TTLL5: variants seen among roughly 807,000 people sequenced by gnomAD.
The protein encoded by TTLL5 is tubulin polyglutamylase TTLL5.
Under a neutral mutation model 168.4 loss-of-function variants are expected in TTLL5, and 132 were observed. That is an observed-to-expected ratio of 0.78 (90% CI 0.68 to 0.91). TTLL5 has a LOEUF of 0.91. Ranked by LOEUF, TTLL5 falls within the 40% of genes least tolerant of loss-of-function variation. TTLL5 has a pLI of 0.00. For synonymous variants in TTLL5, 546 were observed against 558.6 expected (o/e 0.98, Z 0.32); for missense variants, 1,545 against 1,581.5 (o/e 0.98, Z 0.39).
At chr14:75,795,079 T>C (rs561405026) in intron 27 of TTLL5, among the ~76,000 whole-genome samples, 1 of 152,248 alleles carries the variant, frequency 6.6e-6, no homozygotes, top group South Asian at 2.1e-4. Flanking sequence ...CTTGGACAGT[T>C]CATTCTACTC....
At chr14:75,733,236 G>A (rs953203141) in intron 13 of TTLL5, among the ~76,000 whole-genome samples, 2 of 152,174 alleles carry the variant, frequency 1.3e-5, no homozygotes, top group African/African-American at 4.8e-5. Context: ...TTTGCAGGTT[G>A]CCCAGTAAAG....
Position 75,902,180 on chromosome 14 carries a change from G to A in TTLL5, c.3779G>A (p.Ser1260Asn), listed in dbSNP as rs780814207. ...GAAGGGCAGCTGAATGGACTCCAGA[G>A]CAGCCTTAACCCTGCAGCCTTTGTG... ...SAEGQLNGLQ[S>N]SLNPAAFVPI... is the part of the protein sequence containing the mutation. The change falls in exon 31 of 32, where the codon AGC becomes AAC. Residue 1260 changes from serine (S) to asparagine (N), a missense_variant. Transcript: ENST00000298832. The A allele has an allele frequency of 2.4e-5, 39 of 1,614,040 alleles. No individual in the cohort carries two copies. The Middle Eastern group carries it at 8.2e-4, about 34-fold the overall frequency.
intron 13 of TTLL5, 134 bp from the exon 14 acceptor site, chr14:75,733,855 G>C (rs568359255): frequency 2.6e-4 from 144 of 555,900 alleles, no homozygotes; most frequent in East Asian, 5.0e-4. Context: ...CACCGCCCCC[G>C]TGGATTTTAT....
rs147186140 is a variant in TTLL5, at chr14:75,782,507, G to A, written c.2536G>A (p.Glu846Lys). Residue 846 changes from glutamate to lysine, a missense_variant, in exon 25 of 32, where the codon GAA becomes AAA. By Grantham distance (56) the Glu-to-Lys change is moderately conservative (BLOSUM62 1). Coordinates refer to ENST00000298832, the MANE Select transcript of TTLL5 (RefSeq NM_015072.5). ...AKGDHPETIM[E>K]EVKIKPPKQQ... ...TTCAGATCACCCTGAGACTATAATG[G>A]AAGAAGTGAAAATAAAGCCACCTAA... 468 of 1,613,738 alleles carry A rather than the reference G, an allele frequency of 2.9e-4. 4 individuals carry two copies. The East Asian group carries it at 7.5e-3, about 26-fold the overall frequency.
intron 7 of TTLL5, among the ~76,000 whole-genome samples, chr14:75,699,563 A>G (rs1566819084): frequency 6.6e-6 from 1 of 152,158 alleles, no homozygotes; most frequent in Non-Finnish European, 1.5e-5. Flanking sequence ...GCATATTGTG[A>G]TGTTAATTCC....
In TTLL5 at chr14:75,857,444, T is replaced by C. The variant is rs186845184; in HGVS notation, c.3327-6223T>C. ...TTTATTAGCTAATATTGTGTTAAAG[T>C]TTTTTTATGTATCTGTGTTCATCAG... On this transcript the variant is annotated intron_variant, in intron 28 of 31. Coordinates refer to ENST00000298832, the MANE Select transcript of TTLL5 (RefSeq NM_015072.5). Among the ~76,000 whole-genome samples the C allele has an allele frequency of 1.5e-3, 229 of 152,136 alleles. 2 individuals carry two copies. Among genetic ancestry groups the C allele is most frequent in the Non-Finnish European group, 2.4e-3 (165 of 68,010 alleles).
intron 27 of TTLL5, among the ~76,000 whole-genome samples, chr14:75,801,663 C>T (rs976350193): frequency 2.0e-5 from 3 of 152,120 alleles, no homozygotes; most frequent in African/African-American, 7.2e-5. Flanking sequence ...AACCCTTTCC[C>T]TTCAGAGAAA....
chr14:75,834,634 T>C (rs1245388888), intron 28 of TTLL5, among the ~76,000 whole-genome samples: 3 of 152,216 alleles, frequency 2.0e-5, no homozygotes, highest in Non-Finnish European at 4.4e-5. Context: ...ACCGGACTTC[T>C]ACCTGGGCAG....
At chr14:75,898,393 G>A (rs142657006) in intron 30 of TTLL5, among the ~76,000 whole-genome samples, 2,210 of 152,256 alleles carry the variant, frequency 0.015, 18 homozygotes, top group South Asian at 0.025. Flanking sequence ...TATAGTCCCC[G>A]CACTTTGGGA....
Position 75,817,830 on chromosome 14 carries a change from C to CTTTTTTTTTTTT in TTLL5, c.3172-2163_3172-2152dup, listed in dbSNP as rs1045988787. On this transcript the variant is annotated intron_variant, in intron 27 of 31. Coordinates refer to ENST00000298832, the MANE Select transcript of TTLL5 (RefSeq NM_015072.5). The stretch of plus-strand genomic sequence containing the variant: ...ACCATTCTTTCTTTTCTTTTCTTTT[C>CTTTTTTTTTTTT]TTTTTTTTTTTTTTTTTTTTTTTTT... Among the ~76,000 whole-genome samples the CTTTTTTTTTTTT allele has an allele frequency of 3.4e-3, 282 of 83,884 alleles. 3 individuals carry two copies. The highest frequency in any genetic ancestry group is 4.0e-3 in the Non-Finnish European group (186 of 46,516). The allele number at this position is 83,884 out of a possible 152,430, so 55.0% of individuals were successfully genotyped here.
chr14:75,712,793 CAGTG>C (rs1887177379), intron 9 of TTLL5, among the ~76,000 whole-genome samples: 2 of 151,974 alleles, frequency 1.3e-5, no homozygotes, highest in East Asian at 3.9e-4. Context: ...TCTTGATTCT[CAGTG>C]AGAAACATTA....
intron 3 of TTLL5, among the ~76,000 whole-genome samples, chr14:75,679,115 TATGTTATCTTAC>T (rs1768895933): frequency 6.6e-6 from 1 of 152,228 alleles, no homozygotes; most frequent in Non-Finnish European, 1.5e-5. Context: ...AATCTGTGAA[TATGTTATCTTAC>T]ATGGCATAGG....
intron 20 of TTLL5, among the ~76,000 whole-genome samples, chr14:75,766,899 C>T (rs139509178): frequency 2.0e-5 from 3 of 152,256 alleles, no homozygotes; most frequent in African/African-American, 7.2e-5. Flanking sequence ...CTCAGTGTCT[C>T]ACACCTATAA....
At chr14:75,809,241 T>G (rs1893840275) in intron 27 of TTLL5, among the ~76,000 whole-genome samples, 1 of 152,194 alleles carries the variant, frequency 6.6e-6, no homozygotes, top group Non-Finnish European at 1.5e-5. Flanking sequence ...TCAATCAGGC[T>G]CTGTCTTGAT....
At chr14:75,702,901 G>T (rs1447218109) in intron 7 of TTLL5, among the ~76,000 whole-genome samples, 1 of 152,058 alleles carries the variant, frequency 6.6e-6, no homozygotes, top group Non-Finnish European at 1.5e-5. Context: ...GGCAACATGC[G>T]GACATAATGG....
At chr14:75,752,446 G>A (rs770028781) in intron 17 of TTLL5, among the ~76,000 whole-genome samples, 1 of 152,182 alleles carries the variant, frequency 6.6e-6, no homozygotes, top group Non-Finnish European at 1.5e-5. Flanking sequence ...AGTAGACATC[G>A]AGGAGCCACT....
chr14:75,698,197 C>CGGA (rs2140153098), intron 6 of TTLL5, among the ~76,000 whole-genome samples: 1 of 152,314 alleles, frequency 6.6e-6, no homozygotes, highest in East Asian at 1.9e-4. Context: ...TGACTTCTGA[C>CGGA]ACTCCCTAAG....
At chr14:75,709,177 A>G in intron 9 of TTLL5, 1 of 761,266 alleles carries the variant, frequency 1.3e-6, no homozygotes, top group Non-Finnish European at 2.4e-6. Context: ...TCTGTATTTT[A>G]GAAAATGCAA....
chr14:75,923,581 G>T (rs2033902021), intron 31 of TTLL5, among the ~76,000 whole-genome samples: 1 of 152,166 alleles, frequency 6.6e-6, no homozygotes, highest in South Asian at 2.1e-4. Flanking sequence ...GAGACAGTTT[G>T]TTGTGATTTC....
Sources: allele counts gnomAD v4.1 joint callset (sites outside exome capture counted in the v4.1 genomes callset), GRCh38; gene constraint gnomAD v4.1.1; transcripts MANE v1.5; gene names NCBI Gene and HGNC (gene_info 2026-07-23, HGNC 2026-07-21).